TRAF1: variants seen among roughly 807,000 people sequenced by gnomAD.
TRAF1 encodes TNF receptor-associated factor 1.
Under a neutral mutation model 40.9 loss-of-function variants are expected in TRAF1, and 23 were observed. That is an observed-to-expected ratio of 0.56 (90% CI 0.40 to 0.80). The LOEUF (loss-of-function observed/expected upper bound fraction) is 0.80. TRAF1 is among the 30% of genes least tolerant of loss of function. TRAF1 has a pLI of 0.00. For synonymous variants in TRAF1, 206 were observed against 218.8 expected (o/e 0.94, Z 0.52); for missense variants, 477 against 528.7 (o/e 0.90, Z 0.96).
rs1483417005 is a variant in TRAF1, at chr9:120,909,438, G to T, written c.884-60C>A. On this transcript the variant is annotated intron_variant, in intron 6 of 7. Transcript: ENST00000373887. ...CTGGACTTTGCAGATGTGGGACTGG[G>T]ATCCAGTGGTCAGGCATGCCCAAGG... 11 of 1,588,262 alleles carry T rather than the reference G, an allele frequency of 6.9e-6. No individual in the cohort carries two copies. The African/African-American group carries it at 1.5e-4, about 21-fold the overall frequency.
rs190757263 is a variant in TRAF1 at position 120,923,804 on chromosome 9, T to C, written c.141-12A>G. ...GATCCTCGCCATTCCTGGGGAAACA[T>C]GGACAAAGCCTTGGAGAGAGGCACT... On this transcript the variant is annotated splice_polypyrimidine_tract_variant and intron_variant, in intron 2 of 7. Transcript: ENST00000373887. The C allele has an allele frequency of 9.3e-6, 15 of 1,613,646 alleles. No homozygotes were observed. The highest frequency in any genetic ancestry group is 3.3e-5 in the Admixed American group (2 of 59,988).
chr9:120,914,327 T>A, intron 3 of TRAF1, 27 bp from the exon 4 acceptor site: 1 of 1,452,042 alleles, frequency 6.9e-7, no homozygotes, highest in South Asian at 1.5e-5. Flanking sequence ...CATCACTGAA[T>A]GTTATAGCGA....
At chr9:120,920,309 C>T (rs1054300624) in intron 3 of TRAF1, among the ~76,000 whole-genome samples, 1 of 152,206 alleles carries the variant, frequency 6.6e-6, no homozygotes, top group Admixed American at 6.5e-5. Flanking sequence ...TCACTCAGAG[C>T]TCCCCAGGGT....
intron 3 of TRAF1, among the ~76,000 whole-genome samples, chr9:120,921,223 C>T (rs1002648264): frequency 2.0e-5 from 3 of 152,110 alleles, no homozygotes; most frequent in Non-Finnish European, 4.4e-5. Context: ...AATTATAGTG[C>T]CTTCACTTGG....
chr9:120,910,734 T>C (rs2046520075), intron 6 of TRAF1, among the ~76,000 whole-genome samples: 1 of 152,226 alleles, frequency 6.6e-6, no homozygotes, highest in African/African-American at 2.4e-5. Flanking sequence ...TGCACTGTTA[T>C]ATTAACAGAT....
chr9:120,919,382 G>A (rs1295240981), intron 3 of TRAF1, among the ~76,000 whole-genome samples: 3 of 152,182 alleles, frequency 2.0e-5, no homozygotes, highest in Non-Finnish European at 2.9e-5. Flanking sequence ...CCTTTGTGGT[G>A]GGGTCACAGT....
intron 3 of TRAF1, among the ~76,000 whole-genome samples, chr9:120,915,411 G>C (rs1317900858): frequency 1.3e-5 from 2 of 152,178 alleles, no homozygotes; most frequent in Non-Finnish European, 2.9e-5. Flanking sequence ...ATACTCTTCT[G>C]GGACCATCGT....
chr9:120,903,154 G>A lies in TRAF1; in HGVS notation c.*1866C>T, dbSNP rs536971682. 2 of 152,402 alleles carry A rather than the reference G, an allele frequency of 1.3e-5. No individual in the cohort carries two copies. Among genetic ancestry groups the A allele is most frequent in the African/African-American group, 4.8e-5 (2 of 41,590 alleles). 9.4% of individuals were successfully genotyped at this position (152,402 alleles called of 1,614,324 possible). Reference sequence around the variant, plus strand: ...GACATCCAGCTGTCAGCAGGAAGAAGTCAGTCTCCACTGCCTCCACAGTCT... The same window carrying A: ...GACATCCAGCTGTCAGCAGGAAGAAATCAGTCTCCACTGCCTCCACAGTCT... On this transcript the variant is annotated 3_prime_UTR_variant, in exon 8 of 8. Transcript: ENST00000373887.
chr9:120,916,782 C>T (rs2046572482), intron 3 of TRAF1, among the ~76,000 whole-genome samples: 1 of 151,972 alleles, frequency 6.6e-6, no homozygotes, highest in African/African-American at 2.4e-5. Flanking sequence ...AGAGGGCGGC[C>T]TTGGCAGGGA....
chr9:120,928,986 C>G (rs1315059574), upstream of TRAF1: 1 of 151,936 alleles, frequency 6.6e-6, no homozygotes, highest in Non-Finnish European at 1.5e-5. Flanking sequence ...AGCCGAGGTG[C>G]CAGGTCCCCG....
intron 6 of TRAF1, among the ~76,000 whole-genome samples, chr9:120,909,881 G>C (rs1214982243): frequency 1.3e-5 from 2 of 152,190 alleles, no homozygotes; most frequent in Non-Finnish European, 2.9e-5. Flanking sequence ...AACTGGCTGG[G>C]GTCCCCTGGA....
rs2046471687 is a variant in TRAF1 at position 120,905,230 on chromosome 9, G to A, written c.1041C>T (p.Phe347=). The part of the protein sequence containing the change: ...LPWPFRNKVT[F]MLLDQNNREH... ...CACGGTTGTTCTGGTCCAGCAGCATGAAGGTGACCTGCAGGGAAGGGATAG... is the reference window on the plus strand; with the variant it reads ...CACGGTTGTTCTGGTCCAGCAGCATAAAGGTGACCTGCAGGGAAGGGATAG... The change falls in exon 8 of 8, where the codon TTC becomes TTT. Residue 347 remains phenylalanine (F), a synonymous_variant. Transcript: ENST00000373887. 6.2e-7 allele frequency: 1 copy of A among 1,609,864 alleles called. No individual in the cohort carries two copies. Among genetic ancestry groups the A allele is most frequent in the Non-Finnish European group, 8.5e-7 (1 of 1,178,012 alleles).
intron 4 of TRAF1, among the ~76,000 whole-genome samples, 191 bp from the exon 5 acceptor site, chr9:120,913,929 T>C (rs865958162): frequency 6.6e-6 from 1 of 152,204 alleles, no homozygotes; most frequent in Non-Finnish European, 1.5e-5. Flanking sequence ...GCCACATGCA[T>C]TGCAGCTTCT....
intron 7 of TRAF1, among the ~76,000 whole-genome samples, chr9:120,907,846 C>T (rs1218740933): frequency 6.6e-6 from 1 of 152,068 alleles, no homozygotes; most frequent in East Asian, 1.9e-4. Context: ...TCCCTCTTTC[C>T]TTCCCTTCCT....
chr9:120,928,802 G>C (rs2046656971), upstream of TRAF1: 1 of 152,242 alleles, frequency 6.6e-6, no homozygotes, highest in Non-Finnish European at 1.5e-5. Flanking sequence ...CAGCCAGGTC[G>C]GTGAGCCCGC....
chr9:120,912,270 A>G (rs1437292970), intron 5 of TRAF1, among the ~76,000 whole-genome samples: 2 of 152,228 alleles, frequency 1.3e-5, no homozygotes, highest in Admixed American at 6.5e-5. Context: ...GTAATGGTGA[A>G]GCAGGAACTA....
chr9:120,917,823 C>A (rs1443959105), intron 3 of TRAF1, among the ~76,000 whole-genome samples: 3 of 152,108 alleles, frequency 2.0e-5, no homozygotes, highest in African/African-American at 7.2e-5. Context: ...ATCTCAGAAT[C>A]CTTCATTTAA....
intron 7 of TRAF1, 103 bp from the exon 8 acceptor site, chr9:120,905,341 A>G (rs1187434946): frequency 3.3e-6 from 4 of 1,227,682 alleles, no homozygotes; most frequent in African/African-American, 1.5e-5. Context: ...CTGCCTGTGC[A>G]GCCCCTCAGA....
At chr9:120,906,173 GTT>G (rs35324048) in intron 7 of TRAF1, among the ~76,000 whole-genome samples, 2,142 of 84,750 alleles carry the variant, frequency 0.025, 11 homozygotes, top group African/African-American at 0.078. Flanking sequence ...ATTATGGTGT[GTT>G]TTTTTTTTTT....
Sources: allele counts gnomAD v4.1 joint callset (sites outside exome capture counted in the v4.1 genomes callset), GRCh38; gene constraint gnomAD v4.1.1; transcripts MANE v1.5; gene names NCBI Gene and HGNC (gene_info 2026-07-23, HGNC 2026-07-21).